The following CEP76 variants were observed in gnomAD, a reference collection of about 807,000 sequenced individuals.
CEP76 encodes the protein centrosomal protein of 76 kDa.
CEP76 carries 55 observed loss-of-function variants against 83.3 expected under a neutral mutation model. That is an observed-to-expected ratio of 0.66 (90% confidence interval 0.53 to 0.83). The LOEUF is 0.83. Among genes scored for constraint, CEP76 ranks in the 40% least tolerant of loss-of-function variants. The pLI is 0.00. For missense variants in CEP76, 694 were observed against 799.5 expected (o/e 0.87, Z 1.59); for synonymous variants, 270 against 274.5 (o/e 0.98, Z 0.16).
intron 7 of CEP76, 70 bp from the exon 8 acceptor site, chr18:12,686,520 T>G: frequency 8.9e-7 from 1 of 1,121,336 alleles, no homozygotes; most frequent in Non-Finnish European, 1.3e-6. Flanking sequence ...TTCAAATACA[T>G]TAATGTAGGA....
At chr18:12,698,737 G>A (rs1169126687) in intron 4 of CEP76, 4 of 506,430 alleles carry the variant, frequency 7.9e-6, no homozygotes, top group Non-Finnish European at 1.4e-5. Flanking sequence ...AGGTATTTAA[G>A]TGTGTATTAC....
intron 7 of CEP76, among the ~76,000 whole-genome samples, chr18:12,688,017 G>A (rs772021915): frequency 2.0e-5 from 3 of 151,906 alleles, no homozygotes; most frequent in Non-Finnish European, 4.4e-5. Flanking sequence ...GCCAAGGTGG[G>A]TGGATCACGA....
intron 7 of CEP76, 96 bp downstream of exon 7, chr18:12,691,263 G>T: frequency 1.3e-6 from 1 of 757,710 alleles, no homozygotes. Flanking sequence ...TTTATTTTTT[G>T]GAATACATTT....
chr18:12,678,154 ATTAC>A lies in CEP76; in HGVS notation c.1574_1577del (p.Ser525MetfsTer7). The A allele has an allele frequency of 6.2e-7, 1 of 1,613,988 alleles. No homozygotes were observed. The highest frequency in any genetic ancestry group is 8.5e-7 in the Non-Finnish European group (1 of 1,179,858). On this transcript the variant is annotated frameshift_variant, in exon 10 of 12. Transcript: ENST00000262127. LOFTEE classifies it high-confidence loss of function. ...GGAGCCTCAGCTGCATTTCAATTTC[ATTAC>A]TTGTTACTGACGCGTCAATTGTGGA...
chr18:12,688,020 G>GA (rs2145053332), intron 7 of CEP76, among the ~76,000 whole-genome samples: 1 of 152,000 alleles, frequency 6.6e-6, no homozygotes, highest in South Asian at 2.1e-4. Flanking sequence ...AAGGTGGGTG[G>GA]ATCACGAGGT....
chr18:12,701,818 CAT>C (rs1231283871), intron 1 of CEP76, among the ~76,000 whole-genome samples: 12 of 152,232 alleles, frequency 7.9e-5, no homozygotes, highest in South Asian at 4.1e-4. Flanking sequence ...CTGATACCCA[CAT>C]GTTTCAGCGG....
intron 11 of CEP76, among the ~76,000 whole-genome samples, chr18:12,673,851 A>G (rs1427764658): frequency 2.0e-5 from 3 of 152,226 alleles, no homozygotes; most frequent in African/African-American, 7.2e-5. Flanking sequence ...ACTGCACTAC[A>G]GCCTGGGCGA....
intron 9 of CEP76, among the ~76,000 whole-genome samples, chr18:12,678,661 A>G (rs1009656158): frequency 2.6e-5 from 4 of 152,120 alleles, no homozygotes; most frequent in Admixed American, 6.6e-5. Context: ...AACAGAATAC[A>G]TTCTATGTAT....
chr18:12,702,107 CAGAG>C (rs2040175633), intron 1 of CEP76, among the ~76,000 whole-genome samples: 1 of 152,310 alleles, frequency 6.6e-6, no homozygotes, highest in East Asian at 1.9e-4. Context: ...GCCTGGGCAA[CAGAG>C]AGACTCCGTC....
chr18:12,682,484 T>G (rs2039386367), intron 8 of CEP76, among the ~76,000 whole-genome samples: 1 of 152,086 alleles, frequency 6.6e-6, no homozygotes, highest in African/African-American at 2.4e-5. Context: ...CCACCTTACC[T>G]GGCCAAGAAA....
Position 12,678,377 on chromosome 18 carries a change from G to C in CEP76, c.1355C>G (p.Pro452Arg). ...GAAAACACAACCAATTGTTCGATAT[G>C]GGTACAGTGGTTTGGGCTGTTCAGC... is the stretch of plus-strand genomic sequence containing the variant. ...PVAEQPKPLY[P>R]YRTIGCVFNH... Residue 452 changes from proline to arginine, a missense_variant, in exon 10 of 12, where the codon CCA becomes CGA. Coordinates refer to ENST00000262127, the MANE Select transcript of CEP76 (RefSeq NM_024899.4). The C allele has an allele frequency of 6.2e-7, 1 of 1,614,122 alleles. No homozygotes were observed. Among genetic ancestry groups the C allele is most frequent in the Non-Finnish European group, 8.5e-7 (1 of 1,180,010 alleles).
At chr18:12,664,720 A>G (rs2038770741) in intron 12 of CEP76, among the ~76,000 whole-genome samples, 1 of 143,834 alleles carries the variant, frequency 7.0e-6, no homozygotes, top group African/African-American at 2.6e-5. Flanking sequence ...TTTTTTTAAG[A>G]CGGGGTCTTG....
chr18:12,698,763 G>C lies in CEP76; in HGVS notation c.520+216C>G, dbSNP rs2040048908. On this transcript the variant is annotated intron_variant, in intron 4 of 11. Transcript: ENST00000262127. ...TGTGTATTACTAAAGAATCAACAAT[G>C]AAAACAGTCAAAAAATAATATCCAG... is the stretch of plus-strand genomic sequence containing the variant. 6 of 553,040 alleles carry C rather than the reference G, an allele frequency of 1.1e-5. No individual in the cohort carries two copies. The East Asian group carries it at 1.8e-4, about 16-fold the overall frequency. The allele number at this position is 553,040 out of a possible 1,614,324, so 34.3% of individuals were successfully genotyped here.
At chr18:12,677,911 A>G (rs1286440689) in intron 10 of CEP76, among the ~76,000 whole-genome samples, 198 bp downstream of exon 10, 1 of 152,208 alleles carries the variant, frequency 6.6e-6, no homozygotes, top group Non-Finnish European at 1.5e-5. Flanking sequence ...TTCTATAAGT[A>G]TTAATTAATT....
intron 4 of CEP76, among the ~76,000 whole-genome samples, chr18:12,698,402 C>T (rs2040036806): frequency 6.6e-6 from 1 of 152,070 alleles, no homozygotes; most frequent in African/African-American, 2.4e-5. Flanking sequence ...CTCCTGACCT[C>T]AGGTGACCCA....
At chr18:12,698,113 T>A (rs1324163116) in intron 4 of CEP76, among the ~76,000 whole-genome samples, 1 of 151,770 alleles carries the variant, frequency 6.6e-6, no homozygotes, top group Admixed American at 6.6e-5. Flanking sequence ...AAAGAAAAAA[T>A]TAAAATGACA....
At chr18:12,683,042 T>C (rs1242850830) in intron 8 of CEP76, among the ~76,000 whole-genome samples, 2 of 151,836 alleles carry the variant, frequency 1.3e-5, no homozygotes, top group African/African-American at 2.4e-5. Context: ...CATTAAAAAA[T>C]TTAAAATGAG....
rs1237138793 is a variant in CEP76, at chr18:12,696,036, G to C, written c.707-685C>G. ...ATACTTCACATCAAAACGATTTAATGTTTCTTCAGTGAATCAGAATCTGCT... is the reference window on the plus strand; with the variant it reads ...ATACTTCACATCAAAACGATTTAATCTTTCTTCAGTGAATCAGAATCTGCT... On this transcript the variant is annotated intron_variant, in intron 5 of 11. Coordinates refer to ENST00000262127, the MANE Select transcript of CEP76 (RefSeq NM_024899.4). Among the ~76,000 whole-genome samples, 7 of 152,226 alleles carry C rather than the reference G, an allele frequency of 4.6e-5. No individual in the cohort carries two copies. The East Asian group carries it at 1.3e-3, about 29-fold the overall frequency.
intron 6 of CEP76, chr18:12,692,079 G>C (rs879386043): frequency 6.6e-6 from 1 of 152,096 alleles, no homozygotes; most frequent in Non-Finnish European, 1.5e-5. Flanking sequence ...ATTTTGGGAG[G>C]CCAAGGCAGG....
Sources: gnomAD v4.1 joint callset for allele counts (sites outside exome capture counted in the v4.1 genomes callset) on GRCh38, gnomAD v4.1.1 for gene constraint, MANE v1.5 for transcripts, NCBI Gene and HGNC (gene_info 2026-07-23, HGNC 2026-07-21) for gene names.